CYFIP1: variants seen among roughly 807,000 people sequenced by gnomAD.
The protein encoded by CYFIP1 is cytoplasmic FMR1 interacting protein 1.
Under a neutral mutation model 163.5 loss-of-function variants are expected in CYFIP1, and 58 were observed. That is an observed-to-expected ratio of 0.35 (90% CI 0.29 to 0.44). CYFIP1 has a LOEUF of 0.44. CYFIP1 is among the 20% of genes least tolerant of loss of function. The pLI is 1.00. For missense variants in CYFIP1, 1,338 were observed against 1,653.8 expected, an observed-to-expected ratio of 0.81 and a Z score of 3.31; for synonymous variants, 663 against 660.7, an observed-to-expected ratio of 1.00 and a Z score of -0.05.
chr15:22,973,136 A>G (rs2063153672), intron 1 of CYFIP1, among the ~76,000 whole-genome samples: 1 of 151,978 alleles, frequency 6.6e-6, no homozygotes, highest in South Asian at 2.1e-4. Context: ...ACTCCGTCTC[A>G]AAAAAACAAA....
chr15:22,944,856 T>C lies in CYFIP1; in HGVS notation c.285+6A>G, dbSNP rs2062006638. On this transcript the variant is annotated splice_donor_region_variant and intron_variant, in intron 4 of 30. Transcript: ENST00000617928. ...CTGGAGGGGAAGAGCCAGGCGAGCG[T>C]GGCACCTGTGGGATGGCCCGGGAGC... 6.2e-7 allele frequency: 1 copy of C among 1,613,052 alleles called. No individual in the cohort carries two copies. The highest frequency in any genetic ancestry group is 8.5e-7 in the Non-Finnish European group (1 of 1,179,742).
At position 22,886,772 on chromosome 15, in the gene CYFIP1, G is replaced by T. The variant is rs576819960; in HGVS notation, c.2677-3761C>A. Among the ~76,000 whole-genome samples, 49 of 152,256 alleles carry T rather than the reference G, an allele frequency of 3.2e-4. 3 individuals carry two copies. The South Asian group carries it at 8.9e-3, about 28-fold the overall frequency. On this transcript the variant is annotated intron_variant, in intron 23 of 30. Coordinates refer to ENST00000617928, the MANE Select transcript of CYFIP1 (RefSeq NM_014608.6). ...TATATTCTGCTGTTGTGGGGTAGAG[G>T]AACCTACACACGTCAGTTAGATCCT...
chr15:22,933,968 C>CTAATGCTAA lies in CYFIP1; in HGVS notation c.901-84_901-76dup, dbSNP rs2061620183. 3 of 1,011,626 alleles carry CTAATGCTAA rather than the reference C, an allele frequency of 3.0e-6. No individual in the cohort carries two copies. In the African/African-American group the frequency reaches 4.8e-5, roughly 16 times the overall value. 62.7% of individuals were successfully genotyped at this position (1,011,626 alleles called of 1,614,324 possible). A position where few individuals can be genotyped will look rare whatever the true frequency, so the allele number is the denominator to read the frequency against. ...AAATACATAAGCACAAGGAAACTGA[C>CTAATGCTAA]TAATGCTAATAATTACTTCGGCTTG... is the stretch of plus-strand genomic sequence containing the variant. On this transcript the variant is annotated intron_variant, in intron 9 of 30. Coordinates refer to ENST00000617928, the MANE Select transcript of CYFIP1 (RefSeq NM_014608.6).
At chr15:22,913,527 C>CAAAAAAAA (rs35228444) in intron 17 of CYFIP1, among the ~76,000 whole-genome samples, 7 of 10,262 alleles carry the variant, frequency 6.8e-4, no homozygotes, top group Admixed American at 2.0e-3. Context: ...GGCTCTGTCT[C>CAAAAAAAA]AAAAAAAAAA....
intron 1 of CYFIP1, among the ~76,000 whole-genome samples, chr15:22,964,313 C>CA (rs1350836082): frequency 6.5e-5 from 6 of 92,122 alleles, no homozygotes; most frequent in Admixed American, 2.0e-4. Context: ...CACACACACA[C>CA]AACTGGCGGC....
At chr15:22,875,124 T>C (rs1343898159) in intron 27 of CYFIP1, 75 bp downstream of exon 27, 1 of 1,388,012 alleles carries the variant, frequency 7.2e-7, no homozygotes, top group Non-Finnish European at 1.0e-6. Flanking sequence ...GGTCCTTAGC[T>C]CTCCGGTTGC....
chr15:22,933,689 C>T (rs1433991480), intron 10 of CYFIP1, 113 bp downstream of exon 10: 2 of 739,870 alleles, frequency 2.7e-6, no homozygotes, highest in Non-Finnish European at 4.5e-6. Context: ...CATTTAATTC[C>T]AGGCTGAGAA....
intron 21 of CYFIP1, chr15:22,904,883 C>A (rs1157884418): frequency 6.6e-6 from 1 of 152,188 alleles, no homozygotes; most frequent in Non-Finnish European, 1.5e-5. Flanking sequence ...GGGACACGCA[C>A]TGTGCCCGCC....
At chr15:22,921,784 A>AAAAAAAAAAAAGAC (rs1555409979) in intron 13 of CYFIP1, among the ~76,000 whole-genome samples, 1 of 142,210 alleles carries the variant, frequency 7.0e-6, no homozygotes. Flanking sequence ...AAAAAAAAAA[A>AAAAAAAAAAAAGAC]AGAAGCACGA....
chr15:22,884,159 T>C (rs911808701), intron 23 of CYFIP1, among the ~76,000 whole-genome samples: 47 of 152,222 alleles, frequency 3.1e-4, no homozygotes, highest in African/African-American at 1.1e-3. Flanking sequence ...ATTCTGCCCC[T>C]GGCCCCTCCC....
rs1174708157 is a variant in CYFIP1 at position 22,978,250 on chromosome 15, G to A, written c.-7+2037C>T. On this transcript the variant is annotated intron_variant, in intron 1 of 30. Coordinates refer to ENST00000617928, the MANE Select transcript of CYFIP1 (RefSeq NM_014608.6). Reference sequence around the variant, plus strand: ...GCCTGTAATCCCAGCTACTCAGGGGGCTGAGGTGGGAGAACCACCTGAACC... The same window carrying A: ...GCCTGTAATCCCAGCTACTCAGGGGACTGAGGTGGGAGAACCACCTGAACC... Among the ~76,000 whole-genome samples, 6 of 150,758 alleles carry A rather than the reference G, an allele frequency of 4.0e-5. No individual in the cohort carries two copies. In the East Asian group the frequency reaches 7.8e-4, roughly 20 times the overall value.
chr15:22,873,046 A>G (rs1259075282), intron 29 of CYFIP1, 74 bp from the exon 30 acceptor site: 15 of 1,540,126 alleles, frequency 9.7e-6, no homozygotes, highest in Non-Finnish European at 1.3e-5. Flanking sequence ...CTGTCTCCAG[A>G]TGTCAGTGAC....
At chr15:22,936,326 T>C (rs2061708805) in intron 9 of CYFIP1, among the ~76,000 whole-genome samples, 1 of 151,544 alleles carries the variant, frequency 6.6e-6, no homozygotes, top group Non-Finnish European at 1.5e-5. Context: ...TGTAAATCAA[T>C]AGGGAAAAAA....
chr15:22,926,566 T>G (rs2061364212), intron 12 of CYFIP1, among the ~76,000 whole-genome samples: 1 of 152,214 alleles, frequency 6.6e-6, no homozygotes, highest in Non-Finnish European at 1.5e-5. Context: ...GACCATGTAC[T>G]CTTCCAATTT....
At chr15:22,909,796 A>G (rs6606812) in intron 20 of CYFIP1, among the ~76,000 whole-genome samples, 98,978 of 151,928 alleles carry the variant, frequency 0.65, 33,015 homozygotes, top group African/African-American at 0.78. Flanking sequence ...GAGATGTTTT[A>G]ATACAGGCAT....
At chr15:22,964,349 T>TCTCACA (rs1389844730) in intron 1 of CYFIP1, among the ~76,000 whole-genome samples, 5 of 39,580 alleles carry the variant, frequency 1.3e-4, no homozygotes, top group East Asian at 6.9e-4. Context: ...CGCAACCTCA[T>TCTCACA]CACTCACACA....
chr15:22,875,137 A>G, intron 27 of CYFIP1, 62 bp downstream of exon 27: 1 of 1,484,822 alleles, frequency 6.7e-7, no homozygotes, highest in South Asian at 1.1e-5. Context: ...CCGGTTGCAT[A>G]CAGTGGGCAC....
chr15:22,930,389 C>CAA (rs35398202), intron 11 of CYFIP1, among the ~76,000 whole-genome samples: 14,875 of 111,116 alleles, frequency 0.13, 819 homozygotes, highest in Admixed American at 0.16. Flanking sequence ...CCGTCTCACC[C>CAA]AAAAAAAAAA....
chr15:22,934,180 T>TC (rs1469995815), intron 9 of CYFIP1, among the ~76,000 whole-genome samples: 22 of 114,158 alleles, frequency 1.9e-4, no homozygotes, highest in African/African-American at 5.6e-4. Flanking sequence ...TTTCTTTCTT[T>TC]TTTTTTTTTT....
Sources: gnomAD v4.1 joint callset for allele counts (sites outside exome capture counted in the v4.1 genomes callset) on GRCh38, gnomAD v4.1.1 for gene constraint, MANE v1.5 for transcripts, NCBI Gene and HGNC (gene_info 2026-07-23, HGNC 2026-07-21) for gene names.